Variants in MYOC observed in about 807,000 individuals in gnomAD.
MYOC encodes the protein juvenile-onset open-angle glaucoma 1.
MYOC carries 29 observed loss-of-function variants against 28.2 expected under a neutral mutation model. That is an observed-to-expected ratio of 1.03 (90% confidence interval 0.77 to 1.40). The LOEUF is 1.40. Among genes scored for constraint, MYOC ranks in the 40% most tolerant of loss-of-function variants. The pLI, the probability that MYOC is intolerant of heterozygous loss-of-function variation, is 0.00. For synonymous variants in MYOC, 240 were observed against 245.6 expected (o/e 0.98, Z 0.21); for missense variants, 569 against 620.6 (o/e 0.92, Z 0.88).
intron 1 of MYOC, chr1:171,638,927 T>C: frequency 2.1e-6 from 1 of 470,294 alleles, no homozygotes; most frequent in Non-Finnish European, 3.9e-6. Flanking sequence ...AACCCTGTCT[T>C]TGCTAAAAAC....
Position 171,652,432 on chromosome 1 carries a change from G to A in MYOC, c.180C>T (p.Ser60=). The change falls in exon 1 of 3, where the codon AGC becomes AGT. Residue 60 remains serine, a synonymous_variant. Coordinates refer to ENST00000037502, the MANE Select transcript of MYOC (RefSeq NM_000261.2). ...TFSVASPNES[S]CPEQSQAMSV... ...ACATGGCCTGGCTCTGCTCTGGGCA[G>A]CTGGATTCATTGGGACTGGCCACAC... is the stretch of plus-strand genomic sequence containing the variant. 1.9e-6 allele frequency: 3 copies of A among 1,614,216 alleles called. No individual in the cohort carries two copies. In the South Asian group the frequency reaches 3.3e-5, roughly 18 times the overall value.
At chr1:171,641,167 T>C (rs545099220) in intron 1 of MYOC, among the ~76,000 whole-genome samples, 13 of 151,664 alleles carry the variant, frequency 8.6e-5, no homozygotes, top group South Asian at 6.3e-4. Context: ...TGGGAACTGT[T>C]TGTACTTTTC....
intron 1 of MYOC, among the ~76,000 whole-genome samples, chr1:171,642,806 C>A (rs1653108337): frequency 6.7e-6 from 1 of 149,426 alleles, no homozygotes; most frequent in Non-Finnish European, 1.5e-5. Flanking sequence ...ATTGGAGCAC[C>A]TATTGAGTGC....
In MYOC at chr1:171,651,906, T is replaced by G. The variant is rs1044990751; in HGVS notation, c.604+102A>C. The G allele has an allele frequency of 4.6e-6, 7 of 1,528,268 alleles. No homozygotes were observed. The African/African-American group carries it at 8.2e-5, about 18-fold the overall frequency. The allele number at this position is 1,528,268 out of a possible 1,614,324, so 94.7% of individuals were successfully genotyped here. ...TCTGTCTTGTGCTAGCTGTGCAGTC[T>G]CTAGGAGAAAGGGCAGGCAGGGAGG... On this transcript the variant is annotated intron_variant, in intron 1 of 2. Transcript: ENST00000037502.
chr1:171,652,298 T>G lies in MYOC; in HGVS notation c.314A>C (p.Asp105Ala), dbSNP rs746215350. The part of the protein sequence containing the change: ...LESLLHQLTL[D>A]QAARPQETQE... ...GGTCTCCTGGGGCCTGGCAGCCTGG[T>G]CCAAGGTCAATTGGTGGAGGAGGCT... Residue 105 changes from aspartate (D) to alanine (A), a missense_variant, in exon 1 of 3, where the codon GAC becomes GCC. By Grantham distance (126) the Asp-to-Ala change is moderately radical. Transcript: ENST00000037502. The G allele has an allele frequency of 6.2e-7, 1 of 1,611,942 alleles. No homozygotes were observed. Among genetic ancestry groups the G allele is most frequent in the Non-Finnish European group, 8.5e-7 (1 of 1,178,814 alleles).
At chr1:171,646,759 T>G (rs1450389618) in intron 1 of MYOC, among the ~76,000 whole-genome samples, 1 of 152,164 alleles carries the variant, frequency 6.6e-6, no homozygotes, top group Non-Finnish European at 1.5e-5. Context: ...CCTCCCAAAG[T>G]GCTGGGATTA....
At chr1:171,650,452 A>G (rs1367712739) in intron 1 of MYOC, among the ~76,000 whole-genome samples, 1 of 152,206 alleles carries the variant, frequency 6.6e-6, no homozygotes, top group Non-Finnish European at 1.5e-5. Flanking sequence ...TAATTCTAAC[A>G]ATCTAAACAT....
chr1:171,649,737 G>A (rs1458466981), intron 1 of MYOC, among the ~76,000 whole-genome samples: 2 of 152,186 alleles, frequency 1.3e-5, no homozygotes, highest in African/African-American at 4.8e-5. Flanking sequence ...AGAGGTTTCA[G>A]TGAGCCAAGA....
At chr1:171,648,015 C>T (rs1321470222) in intron 1 of MYOC, among the ~76,000 whole-genome samples, 4 of 149,734 alleles carry the variant, frequency 2.7e-5, no homozygotes, top group Non-Finnish European at 5.9e-5. Context: ...CCTGTCTGTA[C>T]TGGAAAAAAA....
intron 2 of MYOC, among the ~76,000 whole-genome samples, chr1:171,638,046 A>C (rs1652970625): frequency 6.6e-6 from 1 of 152,206 alleles, no homozygotes; most frequent in Admixed American, 6.5e-5. Context: ...CAGTGCTAGT[A>C]ATCATTGTCA....
rs765809047 is a variant in MYOC, at chr1:171,636,255, A to C, written c.1185T>G (p.Asp395Glu). 8.7e-6 allele frequency: 14 copies of C among 1,614,036 alleles called. No individual in the cohort carries two copies. In the South Asian group the frequency reaches 1.5e-4, roughly 18 times the overall value. Residue 395 changes from aspartate to glutamate, a missense_variant, in exon 3 of 3, where the codon GAT (aspartate) becomes GAG (glutamate). By Grantham distance (45) the Asp-to-Glu change is conservative (BLOSUM62 2). Coordinates refer to ENST00000037502, the MANE Select transcript of MYOC (RefSeq NM_000261.2). ...EAGLWVIYST[D>E]EAKGAIVLSK... ...AGAGGACAATGGCACCTTTGGCCTC[A>C]TCGGTGCTGTAAATGACCCAGAGGC...
Position 171,652,104 on chromosome 1 carries a change from A to G in MYOC, c.508T>C (p.Leu170=), listed in dbSNP as rs1653367749. 1.2e-6 allele frequency: 2 copies of G among 1,613,038 alleles called. No individual in the cohort carries two copies. The highest frequency in any genetic ancestry group is 1.3e-5 in the African/African-American group (1 of 74,590). ...GCTACCTCCTGGCTGCTGCTTTCCA[A>G]CCTCCTGGCCAGATTCTCATTTTCT... ...RQENENLARR[L]ESSSQEVARL... Residue 170 remains leucine (L), a synonymous_variant, in exon 1 of 3, where the codon TTG becomes CTG. Coordinates refer to ENST00000037502, the MANE Select transcript of MYOC (RefSeq NM_000261.2).
chr1:171,637,946 C>T (rs1011668639), intron 2 of MYOC, among the ~76,000 whole-genome samples: 2 of 152,120 alleles, frequency 1.3e-5, no homozygotes. Context: ...ACCTTCGGTT[C>T]CCTCATAGAA....
chr1:171,648,622 T>G (rs116423287), intron 1 of MYOC, among the ~76,000 whole-genome samples: 113 of 148,382 alleles, frequency 7.6e-4, no homozygotes, highest in African/African-American at 2.5e-3. Flanking sequence ...GTAAATTATA[T>G]ATGTATTTTA....
chr1:171,639,551 G>A (rs555420656), intron 1 of MYOC, among the ~76,000 whole-genome samples: 1 of 151,230 alleles, frequency 6.6e-6, no homozygotes, highest in South Asian at 2.1e-4. Context: ...AGGCTGATGT[G>A]GGAGGATTGC....
At position 171,639,930 on chromosome 1, in the gene MYOC, C is replaced by A. The variant is rs1653032067; in HGVS notation, c.605-1208G>T. Among the ~76,000 whole-genome samples, 2 of 103,754 alleles carry A rather than the reference C, an allele frequency of 1.9e-5. 1 individual carries two copies. Among genetic ancestry groups the A allele is most frequent in the South Asian group, 6.8e-4 (2 of 2,934 alleles). 68.1% of individuals were successfully genotyped at this position (103,754 alleles called of 152,430 possible). ...CTGTACTCCAGTCTGGGCAACAGAG[C>A]AAGACTCTGTCTCAAGAAAAAAAAA... is the stretch of plus-strand genomic sequence containing the variant. On this transcript the variant is annotated intron_variant, in intron 1 of 2. Transcript: ENST00000037502.
chr1:171,639,667 A>AAAAAAAG (rs1653025732), intron 1 of MYOC, among the ~76,000 whole-genome samples: 1 of 150,272 alleles, frequency 6.7e-6, no homozygotes, highest in Non-Finnish European at 1.5e-5. Context: ...AAAAAAAAAA[A>AAAAAAAG]GAGACCGGGC....
rs953027876 is a variant in MYOC, at chr1:171,635,469, G to A, written c.*456C>T. 2 of 286,286 alleles carry A rather than the reference G, an allele frequency of 7.0e-6. No homozygotes were observed. Among genetic ancestry groups the A allele is most frequent in the East Asian group, 1.1e-4 (2 of 18,646 alleles). 17.7% of individuals were successfully genotyped at this position (286,286 alleles called of 1,614,324 possible). On this transcript the variant is annotated 3_prime_UTR_variant, in exon 3 of 3. Coordinates refer to ENST00000037502, the MANE Select transcript of MYOC (RefSeq NM_000261.2). Reference sequence around the variant, plus strand: ...GTAAAGGGTTATGTGAGACCCAACTGTATTCTATCTGAAGCATTAGAAGCC... The same window carrying A: ...GTAAAGGGTTATGTGAGACCCAACTATATTCTATCTGAAGCATTAGAAGCC...
chr1:171,650,390 C>T (rs1487633822), intron 1 of MYOC, among the ~76,000 whole-genome samples: 1 of 152,204 alleles, frequency 6.6e-6, no homozygotes, highest in Non-Finnish European at 1.5e-5. Context: ...GGCCCCTTAG[C>T]ATCTTAGGAC....
Sources: gnomAD v4.1 joint callset for allele counts (sites outside exome capture counted in the v4.1 genomes callset) on GRCh38, gnomAD v4.1.1 for gene constraint, MANE v1.5 for transcripts, NCBI Gene and HGNC (gene_info 2026-07-23, HGNC 2026-07-21) for gene names.